RPS6KC1: variants seen among roughly 807,000 people sequenced by gnomAD.
RPS6KC1 encodes the protein ribosomal protein S6 kinase C1, also known as inactive ribosomal protein S6 kinase delta-1.
RPS6KC1 carries 54 observed loss-of-function variants against 103.8 expected under a neutral mutation model. That is an observed-to-expected ratio of 0.52 (90% CI 0.42 to 0.65). The LOEUF (loss-of-function observed/expected upper bound fraction) is 0.65, where lower values mean the gene tolerates loss of function less well. Ranked by LOEUF, RPS6KC1 falls within the 30% of genes least tolerant of loss-of-function variation. The probability of loss-of-function intolerance (pLI) is 0.00; values close to 1 mark genes in which losing one functional copy is unlikely to be tolerated. For missense variants in RPS6KC1, 1,151 were observed against 1,253.8 expected, an observed-to-expected ratio of 0.92 and a Z score of 1.24; for synonymous variants, 439 against 438.7, an observed-to-expected ratio of 1.00 and a Z score of -0.01.
chr1:213,363,357 A>G, the RPS6KC1 span, among the ~76,000 whole-genome samples: 1 of 152,220 alleles, frequency 6.6e-6, no homozygotes, highest in Non-Finnish European at 1.5e-5. Context: ...TCACATCACA[A>G]GAAGTCTGGT....
chr1:213,663,964 G>A, the RPS6KC1 span, among the ~76,000 whole-genome samples: 1 of 152,102 alleles, frequency 6.6e-6, no homozygotes, highest in East Asian at 1.9e-4. Context: ...ATCAGGGGAG[G>A]GCCAAAGACT....
the RPS6KC1 span, among the ~76,000 whole-genome samples, chr1:213,598,968 A>T: frequency 6.6e-6 from 1 of 152,194 alleles, no homozygotes. Flanking sequence ...TTATACAGAC[A>T]TTTACATTTC....
At chr1:213,100,319 A>T (rs1200462848) in intron 3 of RPS6KC1, among the ~76,000 whole-genome samples, 1 of 151,906 alleles carries the variant, frequency 6.6e-6, no homozygotes, top group Non-Finnish European at 1.5e-5. Context: ...AGTTCTTTGT[A>T]TATCTTAGAC....
chr1:213,798,206 C>T, the RPS6KC1 span, among the ~76,000 whole-genome samples: 5 of 152,186 alleles, frequency 3.3e-5, no homozygotes, highest in African/African-American at 9.7e-5. Flanking sequence ...CATAAAAGTA[C>T]GGATGTGCAG....
intron 1 of RPS6KC1, among the ~76,000 whole-genome samples, chr1:213,067,228 C>T (rs116560786): frequency 0.022 from 3,395 of 152,274 alleles, 57 homozygotes; most frequent in Admixed American, 0.042. Context: ...GCTGTGTTAC[C>T]GGTGCGGATC....
the RPS6KC1 span, among the ~76,000 whole-genome samples, chr1:213,282,406 G>A: frequency 6.6e-6 from 1 of 152,210 alleles, no homozygotes; most frequent in Admixed American, 6.5e-5. Context: ...GGAACTCCTT[G>A]AAAGAGAAAC....
the RPS6KC1 span, among the ~76,000 whole-genome samples, chr1:213,774,473 A>G: frequency 1.3e-5 from 2 of 152,232 alleles, no homozygotes; most frequent in African/African-American, 4.8e-5. Context: ...TTGTATTCTA[A>G]TGGCAGAACA....
chr1:213,600,449 G>A, the RPS6KC1 span, among the ~76,000 whole-genome samples: 31 of 152,134 alleles, frequency 2.0e-4, no homozygotes, highest in Non-Finnish European at 3.4e-4. Flanking sequence ...TCCATTCTGG[G>A]AACATAACTT....
the RPS6KC1 span, among the ~76,000 whole-genome samples, chr1:213,661,571 G>C: frequency 6.6e-6 from 1 of 152,174 alleles, no homozygotes; most frequent in Non-Finnish European, 1.5e-5. Flanking sequence ...AGGCGGGGGA[G>C]GAGTTTAAGA....
the RPS6KC1 span, among the ~76,000 whole-genome samples, chr1:213,310,116 A>G: frequency 2.6e-5 from 4 of 152,098 alleles, no homozygotes; most frequent in Non-Finnish European, 5.9e-5. Context: ...GGTGTCCTGC[A>G]CCTGGCTTTT....
At chr1:213,400,061 GA>G in the RPS6KC1 span, among the ~76,000 whole-genome samples, 3 of 152,120 alleles carry the variant, frequency 2.0e-5, no homozygotes, top group Admixed American at 6.5e-5. Flanking sequence ...GAAATTCATA[GA>G]AAAAAGAGGT....
the RPS6KC1 span, among the ~76,000 whole-genome samples, chr1:213,328,503 A>AATATAT: frequency 0.034 from 1,068 of 31,654 alleles, 45 homozygotes; most frequent in Middle Eastern, 0.065. Context: ...CAGCCATTAT[A>AATATAT]CTATATATAT....
At chr1:213,411,198 A>G in the RPS6KC1 span, among the ~76,000 whole-genome samples, 99 of 152,316 alleles carry the variant, frequency 6.5e-4, 1 homozygote, top group African/African-American at 2.2e-3. Context: ...CCTTCTTAAT[A>G]TAATGATAAG....
At chr1:213,075,726 T>G (rs1439855900) in intron 2 of RPS6KC1, among the ~76,000 whole-genome samples, 1 of 151,088 alleles carries the variant, frequency 6.6e-6, no homozygotes, top group Non-Finnish European at 1.5e-5. Context: ...TTTATCATTT[T>G]AGGCAAATAC....
chr1:213,456,924 T>G, the RPS6KC1 span, among the ~76,000 whole-genome samples: 1 of 152,192 alleles, frequency 6.6e-6, no homozygotes, highest in Non-Finnish European at 1.5e-5. Flanking sequence ...CAAGGAAGCT[T>G]GTCAATATTT....
the RPS6KC1 span, among the ~76,000 whole-genome samples, chr1:213,651,141 G>T: frequency 6.6e-6 from 1 of 152,086 alleles, no homozygotes; most frequent in African/African-American, 2.4e-5. Flanking sequence ...ATTTACTTAA[G>T]ACCTTTCAAC....
chr1:213,781,058 A>G, the RPS6KC1 span, among the ~76,000 whole-genome samples: 2 of 152,126 alleles, frequency 1.3e-5, no homozygotes, highest in African/African-American at 4.8e-5. Flanking sequence ...ACAAAAAATA[A>G]TCTCAATCTA....
At chr1:213,262,957 T>A in intron 14 of RPS6KC1, 141 bp downstream of exon 14, 1 of 630,620 alleles carries the variant, frequency 1.6e-6, no homozygotes, top group South Asian at 2.0e-5. Flanking sequence ...GAATTAATAC[T>A]GTATATTTTC....
intron 8 of RPS6KC1, among the ~76,000 whole-genome samples, chr1:213,216,061 C>T (rs2093650310): frequency 6.6e-6 from 1 of 152,110 alleles, no homozygotes; most frequent in Non-Finnish European, 1.5e-5. Context: ...GCTAAATGCT[C>T]AATTAAAAGA....
Sources: gnomAD v4.1 joint callset for allele counts (sites outside exome capture counted in the v4.1 genomes callset) on GRCh38, gnomAD v4.1.1 for gene constraint, MANE v1.5 for transcripts, NCBI Gene and HGNC (gene_info 2026-07-23, HGNC 2026-07-21) for gene names.